HDC: variants seen among roughly 807,000 people sequenced by gnomAD.
HDC encodes histidine decarboxylase.
HDC carries 27 observed loss-of-function variants against 64.4 expected under a neutral mutation model. That is an observed-to-expected ratio of 0.42 (90% CI 0.31 to 0.58). The LOEUF is 0.58. HDC is among the 20% of genes least tolerant of loss of function. The probability of loss-of-function intolerance (pLI) is 0.16; values close to 1 mark genes in which losing one functional copy is unlikely to be tolerated. For synonymous variants in HDC, 305 were observed against 314.2 expected, an observed-to-expected ratio of 0.97 and a Z score of 0.31; for missense variants, 711 against 833.9, an observed-to-expected ratio of 0.85 and a Z score of 1.81.
Position 50,254,611 on chromosome 15 carries a change from T to C in HDC, c.495A>G (p.Lys165=). The part of the protein sequence containing the change: ...LIALLAARKN[K]ILEMKTSEPD... The stretch of plus-strand genomic sequence containing the variant: ...GCTCAGACGTTTTCATTTCCAGGAT[T>C]TTGTTCTTCCTTGCTGCCAGCAGGG... The change falls in exon 5 of 12, where the codon AAA becomes AAG. Residue 165 remains lysine (K), a synonymous_variant. Transcript: ENST00000267845. 1 of 1,614,176 alleles carries C rather than the reference T, an allele frequency of 6.2e-7. No homozygotes were observed. Among genetic ancestry groups the C allele is most frequent in the Non-Finnish European group, 8.5e-7 (1 of 1,180,020 alleles).
In HDC at chr15:50,252,650, G is replaced by A. The variant is rs2045572928; in HGVS notation, c.912C>T (p.Ser304=). The change falls in exon 8 of 12, where the codon TCC becomes TCT. Residue 304 remains serine, a synonymous_variant. Transcript: ENST00000267845. ...EYADSFTFNP[S]KWMMVHFDCT... ...AGTCAAAATGCACCATCATCCACTT[G>A]GAAGGATTAAAGGTGAAGGAGTCGG... The A allele has an allele frequency of 6.2e-7, 1 of 1,614,126 alleles. No homozygotes were observed. The highest frequency in any genetic ancestry group is 8.5e-7 in the Non-Finnish European group (1 of 1,180,016).
rs2045513163 is a variant in HDC, at chr15:50,248,460, T to C, written c.1042-117A>G. ...CCTCCAGGGATGGACGATGTCACCA[T>C]GACTCTGGGAGCTGTTGCTAAGGAG... On this transcript the variant is annotated intron_variant, in intron 9 of 11. Coordinates refer to ENST00000267845, the MANE Select transcript of HDC (RefSeq NM_002112.4). The surrounding 1 kb of genome is among the most constrained non-coding windows in gnomAD (Gnocchi z 4.3). 1 of 741,896 alleles carries C rather than the reference T, an allele frequency of 1.3e-6. No homozygotes were observed. Among genetic ancestry groups the C allele is most frequent in the Admixed American group, 2.0e-5 (1 of 49,918 alleles). The allele number at this position is 741,896 out of a possible 1,614,324, so 46.0% of individuals were successfully genotyped here. A position where few individuals can be genotyped will look rare whatever the true frequency, so the allele number is the denominator to read the frequency against.
At chr15:50,262,505 CA>C (rs901752572) in intron 2 of HDC, among the ~76,000 whole-genome samples, 8 of 152,198 alleles carry the variant, frequency 5.3e-5, no homozygotes, top group Admixed American at 4.6e-4. Context: ...CGCCAGTGGT[CA>C]GGGGTGTCCA....
At position 50,248,281 on chromosome 15, in the gene HDC, G is replaced by A; in HGVS notation, c.1104C>T (p.Ser368=). 1 of 1,614,038 alleles carries A rather than the reference G, an allele frequency of 6.2e-7. No individual in the cohort carries two copies. Residue 368 remains serine, a synonymous_variant, in exon 10 of 12, where the codon TCC becomes TCT. Coordinates refer to ENST00000267845, the MANE Select transcript of HDC (RefSeq NM_002112.4). This position sits in a 1 kb window ranked among gnomAD's most constrained non-coding sequence, Gnocchi z 4.3. ...GTGCTTGAAGATTCTTCACCCCGAA[G>A]GACCGAATCACGAACCAGAGTTTAA... The part of the protein sequence containing the change: ...RSVKLWFVIR[S]FGVKNLQAHV...
chr15:50,248,185 T>C lies in HDC; in HGVS notation c.1140+60A>G. On this transcript the variant is annotated intron_variant, in intron 10 of 11. Transcript: ENST00000267845. The surrounding 1 kb of genome is among the most constrained non-coding windows in gnomAD (Gnocchi z 4.3). ...AGATCTGCAAAGTAGAAACCAGCCT[T>C]CCTCGCCATGAGAAAACAGAGGAAC... 8 of 1,247,946 alleles carry C rather than the reference T, an allele frequency of 6.4e-6. No individual in the cohort carries two copies. The South Asian group carries it at 9.8e-5, about 15-fold the overall frequency. The allele number at this position is 1,247,946 out of a possible 1,614,324, so 77.3% of individuals were successfully genotyped here.
rs375656460 is a variant in HDC at position 50,242,462 on chromosome 15, T to C, written c.1787A>G (p.Lys596Arg). The C allele has an allele frequency of 1.2e-5, 19 of 1,614,160 alleles. No individual in the cohort carries two copies. In the African/African-American group the frequency reaches 2.4e-4, roughly 20 times the overall value. Reference sequence around the variant, plus strand: ...CACAGAGGCCTCTGTGGGCAGTGGCTTCTGAGCACTCACTGGCACACTGTT... The same window carrying C: ...CACAGAGGCCTCTGTGGGCAGTGGCCTCTGAGCACTCACTGGCACACTGTT... ...SCNSVPVSAQKPLPTEASVKN... is the reference protein window; with the variant it reads ...SCNSVPVSAQRPLPTEASVKN... Residue 596 changes from lysine to arginine, a missense_variant, in exon 12 of 12, where the codon AAG becomes AGG. Around this residue, in one of 3 missense-constraint regions of HDC, gnomAD observed 483 missense variants for 540.9 expected, o/e 0.89. Transcript: ENST00000267845.
chr15:50,257,810 G>C (rs1304766746), intron 3 of HDC, among the ~76,000 whole-genome samples: 2 of 152,294 alleles, frequency 1.3e-5, no homozygotes, highest in African/African-American at 2.4e-5. Flanking sequence ...GGTTGGCTTG[G>C]ATTTGGTTCT....
At chr15:50,258,842 C>A (rs189582975) in intron 2 of HDC, among the ~76,000 whole-genome samples, 1 of 152,250 alleles carries the variant, frequency 6.6e-6, no homozygotes, top group Admixed American at 6.5e-5. Context: ...GTACTTACCC[C>A]TCATGCCGCC....
At chr15:50,253,948 T>A in intron 6 of HDC, 182 bp downstream of exon 6, 2 of 698,656 alleles carry the variant, frequency 2.9e-6, no homozygotes, top group Non-Finnish European at 5.0e-6. Context: ...TTAATGCTGG[T>A]TATGACCCAC....
rs1338733010 is a variant in HDC at position 50,254,546 on chromosome 15, G to A, written c.560C>T (p.Ala187Val). The change falls in exon 5 of 12, where the codon GCC becomes GTC. Residue 187 changes from alanine to valine, a missense_variant. Around this residue, in one of 3 missense-constraint regions of HDC, gnomAD observed 225 missense variants for 276.2 expected, o/e 0.81. Transcript: ENST00000267845. ...DESCLNARLVAYASDQAHSSV... is the reference protein window; with the variant it reads ...DESCLNARLVVYASDQAHSSV... Reference sequence around the variant, plus strand: ...GCAACTCACCTGGTCAGAGGCATAGGCCACGAGTCGGGCATTTAGGCAGGA... The same window carrying A: ...GCAACTCACCTGGTCAGAGGCATAGACCACGAGTCGGGCATTTAGGCAGGA... The A allele has an allele frequency of 6.2e-7, 1 of 1,614,240 alleles. No individual in the cohort carries two copies. Among genetic ancestry groups the A allele is most frequent in the South Asian group, 1.1e-5 (1 of 91,088 alleles).
chr15:50,243,202 C>A lies in HDC; in HGVS notation c.1183G>T (p.Asp395Tyr). 6.2e-7 allele frequency: 1 copy of A among 1,613,850 alleles called. No individual in the cohort carries two copies. The highest frequency in any genetic ancestry group is 1.1e-5 in the South Asian group (1 of 91,034). ...TTGGCAGGAATTTCAAAGGAAGGGT[C>A]GTTTCTGACCAGAGATTCAAAATAT... ...AKYFESLVRN[D>Y]PSFEIPAKRH... Residue 395 changes from aspartate (D) to tyrosine (Y), a missense_variant, in exon 11 of 12, where the codon GAC becomes TAC. Asp to Tyr is a radical substitution (Grantham distance 160, BLOSUM62 -3). This residue lies in a region of HDC where 483 missense variants were observed against 540.9 expected (regional missense o/e 0.89). Transcript: ENST00000267845.
At position 50,265,669 on chromosome 15, in the gene HDC, T is replaced by G. The variant is rs752577177; in HGVS notation, c.-46A>C. 3.1e-6 allele frequency: 5 copies of G among 1,603,168 alleles called. No homozygotes were observed. The East Asian group carries it at 8.9e-5, about 29-fold the overall frequency. ...TTCTCACAGATGGACACGCAGGAGG[T>G]GGAAGGCGTGAAAGGCGTGGAGCAG... On this transcript the variant is annotated 5_prime_UTR_variant, in exon 1 of 12. Coordinates refer to ENST00000267845, the MANE Select transcript of HDC (RefSeq NM_002112.4).
chr15:50,260,031 T>C (rs1390240198), intron 2 of HDC, among the ~76,000 whole-genome samples: 1 of 151,870 alleles, frequency 6.6e-6, no homozygotes, highest in Non-Finnish European at 1.5e-5. Flanking sequence ...TTCTTTTTTT[T>C]TTTTTTTTGA....
rs773638414 is a variant in HDC at position 50,263,252 on chromosome 15, G to A, written c.187C>T (p.Arg63Ter). Reference protein sequence around the residue: ...SWDSIFGDIERIIMPGVVHWQ... With the variant: ...SWDSIFGDIE ...TGTCTCACCCCAGGCATGATGATTC[G>A]TTCAATGTCCCCAAAGATGCTGTCC... The change falls in exon 2 of 12, where the codon CGA becomes TGA. Residue 63 changes from arginine to a stop codon, truncating the protein, a stop_gained. Coordinates refer to ENST00000267845, the MANE Select transcript of HDC (RefSeq NM_002112.4). LOFTEE classifies it high-confidence loss of function. The A allele has an allele frequency of 3.7e-6, 6 of 1,613,930 alleles. No individual in the cohort carries two copies. Among genetic ancestry groups the A allele is most frequent in the Non-Finnish European group, 5.1e-6 (6 of 1,179,994 alleles).
intron 9 of HDC, among the ~76,000 whole-genome samples, chr15:50,251,954 C>A (rs2045561819): frequency 6.6e-6 from 1 of 152,156 alleles, no homozygotes. Flanking sequence ...CAGAACCTCA[C>A]ACAAGTCCTG....
In HDC at chr15:50,244,285, C is replaced by CTT. The variant is rs554623599; in HGVS notation, c.1141-1043_1141-1042dup. 1.5e-3 allele frequency among the ~76,000 whole-genome samples: 160 copies of CTT among 105,168 alleles called. 3 individuals carry two copies. Among genetic ancestry groups the CTT allele is most frequent in the East Asian group, 4.1e-3 (15 of 3,642 alleles). The allele number at this position is 105,168 out of a possible 152,430, so 69.0% of individuals were successfully genotyped here. ...GAGGGCAAGGGAGTTAGCTGAACCT[C>CTT]TTTTTTTTTTTTTTTTTTTTTTTTT... On this transcript the variant is annotated intron_variant, in intron 10 of 11. Coordinates refer to ENST00000267845, the MANE Select transcript of HDC (RefSeq NM_002112.4).
In HDC at chr15:50,248,227, C is replaced by T; in HGVS notation, c.1140+18G>A. The stretch of plus-strand genomic sequence containing the variant: ...CAGAGGAACACAGGCTCAGCCCCCA[C>T]AGCAGCATGCTACATACATGTCTGA... On this transcript the variant is annotated intron_variant, in intron 10 of 11. Transcript: ENST00000267845. This position sits in a 1 kb window ranked among gnomAD's most constrained non-coding sequence, Gnocchi z 4.3. 1 of 1,554,174 alleles carries T rather than the reference C, an allele frequency of 6.4e-7. No homozygotes were observed. The highest frequency in any genetic ancestry group is 1.4e-5 in the African/African-American group (1 of 73,864).
intron 2 of HDC, among the ~76,000 whole-genome samples, chr15:50,261,255 T>A (rs2140942107): frequency 6.6e-6 from 1 of 152,352 alleles, no homozygotes; most frequent in African/African-American, 2.4e-5. Context: ...CAGCAACTGC[T>A]GGAATTCCTC....
At chr15:50,258,020 A>G (rs1389625108) in intron 3 of HDC, among the ~76,000 whole-genome samples, 3 of 151,892 alleles carry the variant, frequency 2.0e-5, no homozygotes, top group Admixed American at 6.6e-5. Context: ...GTCTTAGGAC[A>G]TATCTCCAGC....
Sources: allele counts gnomAD v4.1 joint callset (sites outside exome capture counted in the v4.1 genomes callset), GRCh38; gene constraint gnomAD v4.1.1; regional missense constraint gnomAD v4.1.1; non-coding constraint Gnocchi (gnomAD v3.1); transcripts MANE v1.5; gene names NCBI Gene and HGNC (gene_info 2026-07-23, HGNC 2026-07-21).